The following PRKN variants were observed in gnomAD, a reference collection of about 807,000 sequenced individuals.
The protein encoded by PRKN is E3 ubiquitin-protein ligase parkin.
PRKN carries 56 observed loss-of-function variants against 59.5 expected under a neutral mutation model. The observed-to-expected ratio is 0.94, with a 90% CI of 0.76 to 1.18. The LOEUF is 1.18. PRKN is among the 50% of genes most tolerant of loss of function. The probability of loss-of-function intolerance (pLI) is 0.00; values close to 1 mark genes in which losing one functional copy is unlikely to be tolerated. For missense variants in PRKN, 657 were observed against 596.4 expected, an observed-to-expected ratio of 1.10 and a Z score of -1.06; for synonymous variants, 250 against 222.1, an observed-to-expected ratio of 1.13 and a Z score of -1.12.
intron 11 of PRKN, among the ~76,000 whole-genome samples, chr6:161,358,498 C>T (rs955451190): frequency 3.3e-5 from 5 of 151,972 alleles, no homozygotes; most frequent in Non-Finnish European, 7.4e-5. Flanking sequence ...ACCTGTAGTC[C>T]CAGCTACTTG....
chr6:161,807,124 T>G (rs552721618), intron 6 of PRKN, among the ~76,000 whole-genome samples: 1 of 152,336 alleles, frequency 6.6e-6, no homozygotes, highest in East Asian at 1.9e-4. Flanking sequence ...TATGTTTAAT[T>G]AGCCAAGTGT....
At chr6:161,832,650 ATATCAGTGTATACCC>A (rs1489815092) in intron 6 of PRKN, among the ~76,000 whole-genome samples, 1 of 151,266 alleles carries the variant, frequency 6.6e-6, no homozygotes, top group Non-Finnish European at 1.5e-5. Context: ...AAAAAGATCA[ATATCAGTGTATACCC>A]GCGGAACTGT....
rs184978079 is a variant in PRKN, at chr6:161,591,415, T to C, written c.872-21999A>G. On this transcript the variant is annotated intron_variant, in intron 7 of 11. Transcript: ENST00000366898. The stretch of plus-strand genomic sequence containing the variant: ...GACACTCGAACAGCACAGCCAGCTA[T>C]AGCTACAGCACAGAAAACCACCTCC... Among the ~76,000 whole-genome samples the C allele has an allele frequency of 4.0e-4, 61 of 152,324 alleles. No individual in the cohort carries two copies. In the East Asian group the frequency reaches 0.01, roughly 26 times the overall value.
At position 162,165,228 on chromosome 6, in the gene PRKN, GA is replaced by G. The variant is rs990795451; in HGVS notation, c.534+35902del. 3.4e-5 allele frequency among the ~76,000 whole-genome samples: 5 copies of G among 145,986 alleles called. 2 individuals are homozygous for G. The highest frequency in any genetic ancestry group is 1.4e-4 in the Admixed American group (2 of 14,690). The stretch of plus-strand genomic sequence containing the variant: ...GAATGCCAAAACTATGGAGCTTCTG[GA>G]AAAAAAAATAGGAGAATATTTCATG... On this transcript the variant is annotated intron_variant, in intron 4 of 11. Transcript: ENST00000366898.
chr6:162,534,407 C>T (rs1353854692), intron 1 of PRKN, among the ~76,000 whole-genome samples: 1 of 152,074 alleles, frequency 6.6e-6, no homozygotes, highest in African/African-American at 2.4e-5. Flanking sequence ...CTTTGAACAT[C>T]GAAAGCATGC....
intron 6 of PRKN, among the ~76,000 whole-genome samples, chr6:161,789,753 T>A (rs779408698): frequency 3.9e-5 from 6 of 152,230 alleles, no homozygotes; most frequent in Admixed American, 2.0e-4. Flanking sequence ...CCCTACTTGC[T>A]TAACCCTTTC....
rs1485757394 is a variant in PRKN, at chr6:161,471,319, T to C, written c.1083+77535A>G. On this transcript the variant is annotated intron_variant, in intron 9 of 11. Coordinates refer to ENST00000366898, the MANE Select transcript of PRKN (RefSeq NM_004562.3). The surrounding 1 kb of genome is among the most constrained non-coding windows in gnomAD (Gnocchi z 4.5). ...TGGGGTTATGGGGATGTTGTTTTAT[T>C]TCACTTACAGATATACACCTACGTA... Among the ~76,000 whole-genome samples, 1 of 152,316 alleles carries C rather than the reference T, an allele frequency of 6.6e-6. No individual in the cohort carries two copies. The highest frequency in any genetic ancestry group is 2.1e-4 in the South Asian group (1 of 4,828).
chr6:161,834,715 G>C (rs1792668288), intron 6 of PRKN, among the ~76,000 whole-genome samples: 1 of 152,236 alleles, frequency 6.6e-6, no homozygotes. Flanking sequence ...TCCACAGGCA[G>C]AACAGTTTGA....
Position 161,680,726 on chromosome 6 carries a change from CATATATATATATAT to C in PRKN, c.871+105032_871+105045del, listed in dbSNP as rs56954052. Among the ~76,000 whole-genome samples, 191 of 50,988 alleles carry C rather than the reference CATATATATATATAT, an allele frequency of 3.7e-3. 2 individuals are homozygous for C. The highest frequency in any genetic ancestry group is 0.01 in the Middle Eastern group (1 of 100). 33.5% of individuals were successfully genotyped at this position (50,988 alleles called of 152,430 possible). ...TGGGCTCTGAAAACATCCTGAAATACATATATATATATATATATATATATATATATATATATATA... is the reference window on the plus strand; with the variant it reads ...TGGGCTCTGAAAACATCCTGAAATACATATATATATATATATATATATATA... On this transcript the variant is annotated intron_variant, in intron 7 of 11. Coordinates refer to ENST00000366898, the MANE Select transcript of PRKN (RefSeq NM_004562.3).
Position 162,190,627 on chromosome 6 carries a change from C to T in PRKN, c.534+10504G>A, listed in dbSNP as rs115162651. On this transcript the variant is annotated intron_variant, in intron 4 of 11. Coordinates refer to ENST00000366898, the MANE Select transcript of PRKN (RefSeq NM_004562.3). ...ATATTCCCAGATGGAAGAGCATGCA[C>T]GCATACATTCATAATGCAAACTCAT... Among the ~76,000 whole-genome samples the T allele has an allele frequency of 8.4e-3, 1,286 of 152,280 alleles. 21 individuals are homozygous for T. The highest frequency in any genetic ancestry group is 0.03 in the African/African-American group (1,227 of 41,570).
chr6:162,236,989 T>A (rs1422853560), intron 3 of PRKN, among the ~76,000 whole-genome samples: 1 of 152,118 alleles, frequency 6.6e-6, no homozygotes, highest in Non-Finnish European at 1.5e-5. Flanking sequence ...CCTGCAGATC[T>A]TATGGTCAGA....
intron 2 of PRKN, among the ~76,000 whole-genome samples, chr6:162,400,889 T>C (rs1787759789): frequency 6.6e-6 from 1 of 152,192 alleles, no homozygotes; most frequent in Admixed American, 6.5e-5. Flanking sequence ...CAATGTAATA[T>C]ACACTTAGAA....
rs543251086 is a variant in PRKN, at chr6:161,769,728, G to A, written c.871+16044C>T. On this transcript the variant is annotated intron_variant, in intron 7 of 11. Coordinates refer to ENST00000366898, the MANE Select transcript of PRKN (RefSeq NM_004562.3). The stretch of plus-strand genomic sequence containing the variant: ...ATAATTTCATTCCCCTCTGCCAGCT[G>A]GATCTTGGATGTGGGGATTAAGCTT... Among the ~76,000 whole-genome samples the A allele has an allele frequency of 3.9e-5, 6 of 152,206 alleles. No individual in the cohort carries two copies. The East Asian group carries it at 7.7e-4, about 20-fold the overall frequency.
chr6:162,542,569 T>C (rs1230923385), intron 1 of PRKN, among the ~76,000 whole-genome samples: 2 of 152,172 alleles, frequency 1.3e-5, no homozygotes, highest in African/African-American at 4.8e-5. Context: ...TGAGGAACAC[T>C]AGTTTTGGAG....
chr6:162,444,738 G>A lies in PRKN; in HGVS notation c.8-1265C>T, dbSNP rs149590410. ...TCCTCATGGAAGCAGGATAGCACAC[G>A]GGTTAAAAGAACATCCTGAAGCATT... On this transcript the variant is annotated intron_variant, in intron 1 of 11. Coordinates refer to ENST00000366898, the MANE Select transcript of PRKN (RefSeq NM_004562.3). Among the ~76,000 whole-genome samples, 749 of 152,172 alleles carry A rather than the reference G, an allele frequency of 4.9e-3. 2 individuals carry two copies. The highest frequency in any genetic ancestry group is 0.014 in the Middle Eastern group (4 of 294).
At chr6:161,729,874 T>C (rs11962610) in intron 7 of PRKN, among the ~76,000 whole-genome samples, 7,472 of 145,690 alleles carry the variant, frequency 0.051, 612 homozygotes, top group African/African-American at 0.2. Flanking sequence ...TTGCATTCTT[T>C]CTGATGTGTT....
chr6:162,210,840 T>A (rs1228004738), intron 3 of PRKN, among the ~76,000 whole-genome samples: 1 of 152,172 alleles, frequency 6.6e-6, no homozygotes, highest in Non-Finnish European at 1.5e-5. Flanking sequence ...AAAAAAAGTA[T>A]TTCCAAAATA....
At chr6:162,350,496 G>T (rs1348235389) in intron 2 of PRKN, among the ~76,000 whole-genome samples, 2 of 152,232 alleles carry the variant, frequency 1.3e-5, no homozygotes, top group Non-Finnish European at 1.5e-5. Flanking sequence ...TAGATCAATA[G>T]AACAGAAGAC....
chr6:162,131,680 TAA>T (rs950419091), intron 4 of PRKN, among the ~76,000 whole-genome samples: 43 of 152,358 alleles, frequency 2.8e-4, no homozygotes, highest in African/African-American at 1.0e-3. Context: ...CCAGTAGGTG[TAA>T]ATATATGCTG....
Sources: allele counts gnomAD v4.1 joint callset (sites outside exome capture counted in the v4.1 genomes callset), GRCh38; gene constraint gnomAD v4.1.1; non-coding constraint Gnocchi (gnomAD v3.1); transcripts MANE v1.5; gene names NCBI Gene and HGNC (gene_info 2026-07-23, HGNC 2026-07-21).